TTC28: variants seen among roughly 807,000 people sequenced by gnomAD.
TTC28 encodes the protein tetratricopeptide repeat domain 28.
In TTC28, 61 loss-of-function variants were observed where a neutral mutation model predicts 198.0. The ratio of observed to expected loss-of-function variants is 0.31; its 90% confidence interval spans 0.25 to 0.38. The LOEUF (loss-of-function observed/expected upper bound fraction) is 0.38. TTC28 is among the 10% of genes least tolerant of loss of function. The probability of loss-of-function intolerance (pLI) is 1.00; values close to 1 mark genes in which losing one functional copy is unlikely to be tolerated. For missense variants in TTC28, 2,678 were observed against 3,164.0 expected (o/e 0.85, Z 3.69); for synonymous variants, 1,171 against 1,297.8 (o/e 0.90, Z 2.10).
chr22:28,419,587 T>C (rs1170562906), intron 2 of TTC28, among the ~76,000 whole-genome samples: 4 of 152,220 alleles, frequency 2.6e-5, no homozygotes, highest in Admixed American at 6.5e-5. Flanking sequence ...TTAGAACTCT[T>C]GCTGAAAGCA....
intron 2 of TTC28, among the ~76,000 whole-genome samples, chr22:28,447,953 C>T (rs1360812159): frequency 6.6e-6 from 1 of 152,216 alleles, no homozygotes; most frequent in Non-Finnish European, 1.5e-5. Context: ...CATCTTAAAT[C>T]ACCTTATTGT....
intron 2 of TTC28, among the ~76,000 whole-genome samples, chr22:28,442,166 T>C (rs966898925): frequency 2.0e-5 from 3 of 152,058 alleles, no homozygotes; most frequent in Non-Finnish European, 4.4e-5. Context: ...GGAAATAATC[T>C]CGCAAAAAGC....
rs914696322 is a variant in TTC28, at chr22:28,370,765, G to C, written c.382-64122C>G. On this transcript the variant is annotated intron_variant, in intron 2 of 22. Transcript: ENST00000397906. ...GGTTCAAGAAACACAGAGAAAGAGA[G>C]AACTATAGAGAGAGAAGGGAGTAAG... is the stretch of plus-strand genomic sequence containing the variant. Among the ~76,000 whole-genome samples, 4 of 152,298 alleles carry C rather than the reference G, an allele frequency of 2.6e-5. No homozygotes were observed. In the East Asian group the frequency reaches 7.7e-4, roughly 29 times the overall value.
At chr22:28,476,142 A>G (rs2048162586) in intron 2 of TTC28, among the ~76,000 whole-genome samples, 1 of 152,168 alleles carries the variant, frequency 6.6e-6, no homozygotes, top group Non-Finnish European at 1.5e-5. Context: ...CCCCCATGCC[A>G]TCTACCTGCC....
chr22:27,993,028 A>C (rs1601490960), intron 18 of TTC28: 1 of 563,158 alleles, frequency 1.8e-6, no homozygotes, highest in Non-Finnish European at 3.1e-6. Flanking sequence ...TGCCGGCACG[A>C]CCTCCCATCA....
At chr22:28,259,286 T>C (rs1931162445) in intron 5 of TTC28, among the ~76,000 whole-genome samples, 1 of 152,172 alleles carries the variant, frequency 6.6e-6, no homozygotes, top group African/African-American at 2.4e-5. Flanking sequence ...ATAGTAGGTA[T>C]TTATTAAATA....
At chr22:28,065,752 AAG>A (rs1940723180) in intron 12 of TTC28, among the ~76,000 whole-genome samples, 1 of 151,784 alleles carries the variant, frequency 6.6e-6, no homozygotes, top group Admixed American at 6.6e-5. Flanking sequence ...TAAAAAAAGA[AAG>A]AGTTCTACAC....
At chr22:28,632,217 G>A (rs2051184608) in intron 1 of TTC28, among the ~76,000 whole-genome samples, 1 of 127,748 alleles carries the variant, frequency 7.8e-6, no homozygotes. Context: ...AAAGGATTCT[G>A]TAAGTTTCAA....
intron 9 of TTC28, 80 bp from the exon 10 acceptor site, chr22:28,099,124 T>C (rs2146874269): frequency 6.6e-7 from 1 of 1,509,800 alleles, no homozygotes; most frequent in East Asian, 2.5e-5. Flanking sequence ...CAACTTTTGC[T>C]CATATCTTTG....
intron 5 of TTC28, chr22:28,232,847 T>C (rs1183886828): frequency 1.3e-5 from 2 of 152,228 alleles, no homozygotes; most frequent in African/African-American, 4.8e-5. Context: ...ACGCCTGTAA[T>C]CCCGGCACTT....
chr22:28,360,915 G>C (rs148131012), intron 2 of TTC28, among the ~76,000 whole-genome samples: 1 of 152,012 alleles, frequency 6.6e-6, no homozygotes, highest in African/African-American at 2.4e-5. Context: ...GGTGAACTAC[G>C]ATCAGTGATC....
intron 6 of TTC28, among the ~76,000 whole-genome samples, chr22:28,154,292 T>C (rs1217615838): frequency 6.6e-6 from 1 of 151,994 alleles, no homozygotes; most frequent in Non-Finnish European, 1.5e-5. Flanking sequence ...GCAACTACAG[T>C]TGTTTTGAAC....
chr22:28,221,386 C>T (rs1348545724), intron 5 of TTC28, among the ~76,000 whole-genome samples: 2 of 152,176 alleles, frequency 1.3e-5, no homozygotes, highest in African/African-American at 4.8e-5. Flanking sequence ...TAGCTAATAA[C>T]CCAGGGTTAC....
chr22:28,385,888 T>C (rs931680363), intron 2 of TTC28, among the ~76,000 whole-genome samples: 35 of 152,132 alleles, frequency 2.3e-4, no homozygotes, highest in Admixed American at 7.9e-4. Context: ...TTCTGTTCTT[T>C]GCTCCACCTC....
chr22:28,332,939 AC>A (rs964166904), intron 2 of TTC28, among the ~76,000 whole-genome samples: 2 of 152,094 alleles, frequency 1.3e-5, no homozygotes, highest in African/African-American at 4.8e-5. Context: ...GGAAGAGTAT[AC>A]CTTTATGAAC....
chr22:28,048,604 C>A (rs1569106529), intron 12 of TTC28, among the ~76,000 whole-genome samples: 1 of 152,166 alleles, frequency 6.6e-6, no homozygotes, highest in Non-Finnish European at 1.5e-5. Context: ...AGAACTAGCA[C>A]ATCGATTAGG....
chr22:28,398,899 T>C (rs2046857515), intron 2 of TTC28, among the ~76,000 whole-genome samples: 1 of 152,188 alleles, frequency 6.6e-6, no homozygotes, highest in Non-Finnish European at 1.5e-5. Context: ...TTCTATATCC[T>C]TCTTGTTACT....
rs189310574 is a variant in TTC28 at position 28,143,560 on chromosome 22, A to C, written c.1441+19532T>G. Among the ~76,000 whole-genome samples the C allele has an allele frequency of 6.8e-3, 1,029 of 152,332 alleles. 5 individuals carry two copies. The highest frequency in any genetic ancestry group is 0.011 in the Non-Finnish European group (780 of 68,024). ...ATGTTTCTTAAATAAGACTGCTATA[A>C]TTTAACACCCATTTAGTATGACTCC... On this transcript the variant is annotated intron_variant, in intron 6 of 22. Coordinates refer to ENST00000397906, the MANE Select transcript of TTC28 (RefSeq NM_001145418.2).
intron 6 of TTC28, among the ~76,000 whole-genome samples, chr22:28,144,885 G>T (rs1412448981): frequency 6.6e-6 from 1 of 152,194 alleles, no homozygotes; most frequent in Non-Finnish European, 1.5e-5. Context: ...GAAAAGCACT[G>T]GTTTGTATTT....
Sources: gnomAD v4.1 joint callset for allele counts (sites outside exome capture counted in the v4.1 genomes callset) on GRCh38, gnomAD v4.1.1 for gene constraint, MANE v1.5 for transcripts, NCBI Gene and HGNC (gene_info 2026-07-23, HGNC 2026-07-21) for gene names.